The following FRMD5 variants were observed in gnomAD, a reference collection of about 807,000 sequenced individuals.
FRMD5 encodes the protein FERM domain containing 5, also known as FERM domain-containing protein 5.
Under a neutral mutation model 69.0 loss-of-function variants are expected in FRMD5, and 20 were observed. The ratio of observed to expected loss-of-function variants is 0.29; its 90% CI spans 0.20 to 0.42. The LOEUF (loss-of-function observed/expected upper bound fraction) is 0.42, where lower values mean the gene tolerates loss of function less well. Ranked by LOEUF, FRMD5 falls within the 10% of genes least tolerant of loss-of-function variation. The pLI, the probability that FRMD5 is intolerant of heterozygous loss-of-function variation, is 1.00. For synonymous variants in FRMD5, 271 were observed against 260.1 expected (o/e 1.04, Z -0.40); for missense variants, 595 against 708.6 (o/e 0.84, Z 1.82).
At chr15:44,100,181 G>A (rs1369930342) in intron 1 of FRMD5, among the ~76,000 whole-genome samples, 1 of 150,518 alleles carries the variant, frequency 6.6e-6, no homozygotes, top group Non-Finnish European at 1.5e-5. Flanking sequence ...AGCCTCTCAA[G>A]TAGCTGGGAC....
rs369492628 is a variant in FRMD5 at position 43,883,761 on chromosome 15, T to C, written c.1077A>G (p.Pro359=). Residue 359 remains proline, a synonymous_variant, in exon 13 of 14, where the codon CCA becomes CCG. Coordinates refer to ENST00000417257, the MANE Select transcript of FRMD5 (RefSeq NM_032892.5). ...GGGTCCTGGGGACGCTGCTCAGCCT[T>C]GGGCCATGGGTTATGGAGGGACAGC... ...SRSCPSITHG[P]RLSSVPRTRR... The C allele has an allele frequency of 7.4e-6, 12 of 1,613,922 alleles. No individual in the cohort carries two copies. The highest frequency in any genetic ancestry group is 1.0e-5 in the Non-Finnish European group (12 of 1,179,948).
At chr15:43,943,139 G>A (rs2140491717) in intron 1 of FRMD5, among the ~76,000 whole-genome samples, 1 of 152,294 alleles carries the variant, frequency 6.6e-6, no homozygotes, top group South Asian at 2.1e-4. Flanking sequence ...TACTCGGGAG[G>A]CTGAGGAAGA....
chr15:43,999,940 TATATATGCCATGC>T lies in FRMD5; in HGVS notation c.103-75644_103-75632del, dbSNP rs1159045051. Among the ~76,000 whole-genome samples, 58 of 132,882 alleles carry T rather than the reference TATATATGCCATGC, an allele frequency of 4.4e-4. 1 individual carries two copies. In the East Asian group the frequency reaches 4.6e-3, roughly 11 times the overall value. 87.2% of individuals were successfully genotyped at this position (132,882 alleles called of 152,430 possible). ...GTGTGTATGTATATATATATATATA[TATATATGCCATGC>T]ATATATATATATATATATATATATA... On this transcript the variant is annotated intron_variant, in intron 1 of 13. Coordinates refer to ENST00000417257, the MANE Select transcript of FRMD5 (RefSeq NM_032892.5).
intron 1 of FRMD5, among the ~76,000 whole-genome samples, chr15:44,181,364 C>T (rs1028949103): frequency 6.6e-6 from 1 of 151,930 alleles, no homozygotes; most frequent in African/African-American, 2.4e-5. Context: ...TTTTATTATG[C>T]AATAGTTATA....
At chr15:44,096,099 G>A (rs563815886) in intron 1 of FRMD5, among the ~76,000 whole-genome samples, 6 of 151,348 alleles carry the variant, frequency 4.0e-5, no homozygotes, top group Non-Finnish European at 7.4e-5. Flanking sequence ...CAAGATATTC[G>A]GGAGGCTGAG....
intron 5 of FRMD5, among the ~76,000 whole-genome samples, 194 bp from the exon 6 acceptor site, chr15:43,906,145 G>A (rs1319492109): frequency 1.3e-5 from 2 of 152,228 alleles, no homozygotes; most frequent in Non-Finnish European, 2.9e-5. Context: ...GTTTTTCCAG[G>A]TGCACACACT....
intron 1 of FRMD5, among the ~76,000 whole-genome samples, chr15:43,947,739 A>G (rs1395382049): frequency 2.0e-5 from 3 of 152,200 alleles, no homozygotes; most frequent in Admixed American, 6.5e-5. Flanking sequence ...GGCCTGGGAA[A>G]GCTTTAGTTT....
chr15:43,975,813 A>T (rs2090453465), intron 1 of FRMD5, among the ~76,000 whole-genome samples: 1 of 152,230 alleles, frequency 6.6e-6, no homozygotes, highest in South Asian at 2.1e-4. Context: ...AGAATATGCA[A>T]AACAAGTTTG....
At chr15:44,002,392 A>G (rs1890252136) in intron 1 of FRMD5, among the ~76,000 whole-genome samples, 1 of 152,068 alleles carries the variant, frequency 6.6e-6, no homozygotes, top group East Asian at 1.9e-4. Flanking sequence ...TTCTATTCCA[A>G]TTTCAAAGGG....
chr15:44,176,764 A>T (rs2077902213), intron 1 of FRMD5, among the ~76,000 whole-genome samples: 1 of 152,140 alleles, frequency 6.6e-6, no homozygotes, highest in African/African-American at 2.4e-5. Flanking sequence ...ATGGCCAGTA[A>T]ACATACGAAA....
intron 1 of FRMD5, among the ~76,000 whole-genome samples, chr15:44,068,037 T>G (rs1350028617): frequency 2.6e-4 from 39 of 152,190 alleles, no homozygotes; most frequent in Admixed American, 2.6e-3. Flanking sequence ...GAACTATTCC[T>G]TACCTACCAG....
intron 1 of FRMD5, among the ~76,000 whole-genome samples, chr15:44,172,463 T>C (rs1335729191): frequency 1.3e-5 from 2 of 152,094 alleles, no homozygotes; most frequent in African/African-American, 4.8e-5. Context: ...GTTTCTGAAA[T>C]ACAAAGTATA....
At chr15:44,082,401 T>C (rs1475196108) in intron 1 of FRMD5, among the ~76,000 whole-genome samples, 1 of 152,038 alleles carries the variant, frequency 6.6e-6, no homozygotes, top group African/African-American at 2.4e-5. Context: ...GTATTCTTGC[T>C]ATGTGACAAT....
chr15:44,095,068 C>G (rs1430111173), intron 1 of FRMD5, among the ~76,000 whole-genome samples: 2 of 151,928 alleles, frequency 1.3e-5, no homozygotes, highest in African/African-American at 4.8e-5. Context: ...CAAAATTACC[C>G]AAGCATAAGA....
chr15:44,196,968 G>A (rs1046655933), upstream of FRMD5, among the ~76,000 whole-genome samples: 2 of 152,088 alleles, frequency 1.3e-5, no homozygotes, highest in East Asian at 1.9e-4. Flanking sequence ...CCAGGCATGC[G>A]CTCCACTACT....
intron 1 of FRMD5, chr15:44,101,534 T>G (rs1004837606): frequency 2.0e-5 from 3 of 152,676 alleles, no homozygotes; most frequent in African/African-American, 7.2e-5. Context: ...GAAACTCCTA[T>G]GAAGGTGAAA....
intron 1 of FRMD5, among the ~76,000 whole-genome samples, chr15:44,112,932 A>G (rs1015914418): frequency 6.6e-6 from 1 of 152,154 alleles, no homozygotes; most frequent in Non-Finnish European, 1.5e-5. Context: ...TTCTCTTTAT[A>G]AGTCTTCTAT....
chr15:44,035,326 G>T (rs913499500), intron 1 of FRMD5, among the ~76,000 whole-genome samples: 2 of 152,160 alleles, frequency 1.3e-5, no homozygotes, highest in Admixed American at 6.6e-5. Flanking sequence ...CCTTGAACAG[G>T]TTGTATACCA....
chr15:44,040,992 CAAAAAAAAAAAAAAAAAAAAAAAAAAA>C (rs71421819), intron 1 of FRMD5, among the ~76,000 whole-genome samples: 7 of 17,500 alleles, frequency 4.0e-4, no homozygotes, highest in East Asian at 3.1e-3. Flanking sequence ...AAATGGAAAG[CAAAAAAAAAAAAAAAAAAAAAAAAAAA>C]AAAAAAAAAA....
Sources: allele counts gnomAD v4.1 joint callset (sites outside exome capture counted in the v4.1 genomes callset), GRCh38; gene constraint gnomAD v4.1.1; transcripts MANE v1.5; gene names NCBI Gene and HGNC (gene_info 2026-07-23, HGNC 2026-07-21).